The following SCN11A variants were observed in gnomAD, a reference collection of about 807,000 sequenced individuals.
The protein encoded by SCN11A is sodium channel protein type 11 subunit alpha.
A neutral mutation model predicts 162.2 loss-of-function variants in SCN11A; 122 were observed. That is an observed-to-expected ratio of 0.75 (90% confidence interval 0.65 to 0.87). The LOEUF is 0.87. SCN11A is among the 40% of genes least tolerant of loss of function. SCN11A has a pLI of 0.00. For synonymous variants in SCN11A, 758 were observed against 751.5 expected (o/e 1.01, Z -0.14); for missense variants, 2,015 against 2,181.6 (o/e 0.92, Z 1.52).
chr3:38,905,302 GT>G lies in SCN11A; in HGVS notation c.1492del (p.Thr498ProfsTer26). 6.2e-7 allele frequency: 1 copy of G among 1,613,968 alleles called. No homozygotes were observed. The highest frequency in any genetic ancestry group is 1.7e-4 in the Middle Eastern group (1 of 6,060). ...TGATAGATTCTGGGACAGTCGTTTG[GT>G]TTGCTCTAGGAGCTGTGGCTGTAAG... is the stretch of plus-strand genomic sequence containing the variant. ...CQKKPQLLEQTKRLSQNLSLD... is the reference protein window; with the variant it reads ...CQKKPQLLEQXKRLSQNLSLD... On this transcript the variant is annotated frameshift_variant, in exon 15 of 30. Transcript: ENST00000302328. LOFTEE classifies it high-confidence loss of function.
intron 2 of SCN11A, among the ~76,000 whole-genome samples, chr3:39,001,710 A>AAAAC (rs149361919): frequency 0.032 from 4,917 of 151,362 alleles, 121 homozygotes; most frequent in Middle Eastern, 0.079. Flanking sequence ...GCATTTGTTT[A>AAAAC]AAACAAACAA....
chr3:39,038,342 T>A (rs1270487684), intron 1 of SCN11A, among the ~76,000 whole-genome samples: 1 of 152,176 alleles, frequency 6.6e-6, no homozygotes, highest in East Asian at 1.9e-4. Context: ...TGAGTAACTA[T>A]CCTCATTTTC....
At chr3:38,867,769 T>C (rs921068304) in intron 26 of SCN11A, among the ~76,000 whole-genome samples, 22 of 152,106 alleles carry the variant, frequency 1.4e-4, no homozygotes, top group Non-Finnish European at 2.4e-4. Flanking sequence ...AAGTCATCCA[T>C]ATGGAATGTC....
chr3:38,897,220 C>T lies in SCN11A; in HGVS notation c.2028G>A (p.Arg676=), dbSNP rs1229608030. Residue 676 remains arginine, a synonymous_variant, in exon 18 of 30, where the codon AGG becomes AGA. Coordinates refer to ENST00000302328, the MANE Select transcript of SCN11A (RefSeq NM_001349253.2). ...WPFLRSFRVL[R]VFKLAKSWPT... is the part of the protein sequence containing the mutation. ...GCCAGGATTTGGCTAACTTGAAGAC[C>T]CTGAGCTGTAGAAAAAGACAACAAA... 6.3e-7 allele frequency: 1 copy of T among 1,587,766 alleles called. No individual in the cohort carries two copies.
chr3:39,027,700 C>T (rs1450259234), intron 2 of SCN11A, among the ~76,000 whole-genome samples: 2 of 152,168 alleles, frequency 1.3e-5, no homozygotes, highest in Non-Finnish European at 2.9e-5. Context: ...CAGATACTAC[C>T]AAGGTTGAAG....
Position 38,945,455 on chromosome 3 carries a change from T to C in SCN11A, c.444A>G (p.Thr148=). 6.2e-7 allele frequency: 1 copy of C among 1,603,716 alleles called. No homozygotes were observed. Among genetic ancestry groups the C allele is most frequent in the Non-Finnish European group, 8.5e-7 (1 of 1,172,872 alleles). ...TVIINCVFMA[T]GPAKNSNSNN... is the part of the protein sequence containing the mutation. ...TACTGTTGCTGTTTTTAGCAGGCCCTGTAGCCATGAACACGCAGTTGATGA... is the reference window on the plus strand; with the variant it reads ...TACTGTTGCTGTTTTTAGCAGGCCCCGTAGCCATGAACACGCAGTTGATGA... Residue 148 remains threonine, a synonymous_variant, in exon 7 of 30, where the codon ACA becomes ACG. Coordinates refer to ENST00000302328, the MANE Select transcript of SCN11A (RefSeq NM_001349253.2).
At chr3:38,854,144 T>C (rs2064829193) in intron 28 of SCN11A, among the ~76,000 whole-genome samples, 1 of 152,168 alleles carries the variant, frequency 6.6e-6, no homozygotes, top group African/African-American at 2.4e-5. Flanking sequence ...GATAATTATA[T>C]AAAATCCAAA....
chr3:39,019,326 C>G (rs1034633722), intron 2 of SCN11A, among the ~76,000 whole-genome samples: 1 of 152,150 alleles, frequency 6.6e-6, no homozygotes, highest in African/African-American at 2.4e-5. Context: ...AGAATCATTT[C>G]CCACACCCTT....
intron 3 of SCN11A, among the ~76,000 whole-genome samples, chr3:38,954,862 A>G (rs1005696219): frequency 6.6e-6 from 1 of 151,500 alleles, no homozygotes; most frequent in Non-Finnish European, 1.5e-5. Context: ...GGTGGCATGC[A>G]CCTGTAATCC....
chr3:38,909,951 G>C (rs1172345015), intron 12 of SCN11A, 115 bp downstream of exon 12: 2 of 979,002 alleles, frequency 2.0e-6, no homozygotes, highest in African/African-American at 3.3e-5. Context: ...GATGATAAAA[G>C]TGGGGGATGA....
Position 38,947,262 on chromosome 3 carries a change from C to T in SCN11A, c.268-355G>A, listed in dbSNP as rs186862930. ...TATTTTAAATTATTTTGATTATTAACGAAAACTTTGCAATGAATCTTAGAA... is the reference window on the plus strand; with the variant it reads ...TATTTTAAATTATTTTGATTATTAATGAAAACTTTGCAATGAATCTTAGAA... On this transcript the variant is annotated intron_variant, in intron 5 of 29. Coordinates refer to ENST00000302328, the MANE Select transcript of SCN11A (RefSeq NM_001349253.2). 4.8e-3 allele frequency among the ~76,000 whole-genome samples: 731 copies of T among 152,260 alleles called. 2 individuals are homozygous for T. Among genetic ancestry groups the T allele is most frequent in the Middle Eastern group, 6.8e-3 (2 of 294 alleles).
intron 2 of SCN11A, among the ~76,000 whole-genome samples, chr3:39,018,034 G>A (rs1017405890): frequency 3.9e-5 from 6 of 152,122 alleles, no homozygotes; most frequent in African/African-American, 1.4e-4. Flanking sequence ...TTTAAGATTT[G>A]TTAGGTAAAA....
chr3:38,869,329 G>A (rs978716150), intron 26 of SCN11A, among the ~76,000 whole-genome samples: 5 of 152,086 alleles, frequency 3.3e-5, no homozygotes, highest in South Asian at 2.1e-4. Flanking sequence ...TCATGTACTC[G>A]AAAAGACGAA....
Position 38,880,004 on chromosome 3 carries a change from T to C in SCN11A, c.3339A>G (p.Gly1113=), listed in dbSNP as rs1358294986. The C allele has an allele frequency of 1.1e-5, 18 of 1,612,868 alleles. No individual in the cohort carries two copies. Among genetic ancestry groups the C allele is most frequent in the Non-Finnish European group, 1.5e-5 (18 of 1,179,366 alleles). ...LEMVLKWVAF[G]FGKYFTSAWC... ...AGGCACTGGTGAAATACTTTCCAAA[T>C]CCGAAGGCTACCCATTTTAGTACCA... Residue 1113 remains glycine (G), a synonymous_variant, in exon 23 of 30, where the codon GGA becomes GGG. Coordinates refer to ENST00000302328, the MANE Select transcript of SCN11A (RefSeq NM_001349253.2).
chr3:38,972,397 G>A (rs1208302899), intron 2 of SCN11A, among the ~76,000 whole-genome samples: 2 of 152,134 alleles, frequency 1.3e-5, no homozygotes, highest in South Asian at 2.1e-4. Context: ...GGTAGCCCAA[G>A]GGAGAGAGAA....
At chr3:38,905,074 C>G in intron 15 of SCN11A, 118 bp downstream of exon 15, 1 of 1,287,724 alleles carries the variant, frequency 7.8e-7, no homozygotes, top group South Asian at 1.2e-5. Flanking sequence ...CAGGATGGTA[C>G]AGTGGGTTGG....
At chr3:38,939,098 A>T (rs1388624960) in intron 7 of SCN11A, among the ~76,000 whole-genome samples, 1 of 152,108 alleles carries the variant, frequency 6.6e-6, no homozygotes, top group Non-Finnish European at 1.5e-5. Context: ...TCCTGAATCC[A>T]GGAGGCGAAG....
chr3:38,847,507 T>C lies in SCN11A; in HGVS notation c.4563A>G (p.Lys1521=). The change falls in exon 30 of 30, where the codon AAA becomes AAG. Residue 1521 remains lysine, a synonymous_variant. Coordinates refer to ENST00000302328, the MANE Select transcript of SCN11A (RefSeq NM_001349253.2). ...CATCGATTCCAGACTCTGGATTCAC[T>C]TTGGAAAACCAGTTCATACCCAGAA... ...YAILGMNWFS[K]VNPESGIDDI... The C allele has an allele frequency of 2.5e-6, 4 of 1,614,202 alleles. No homozygotes were observed. Among genetic ancestry groups the C allele is most frequent in the Non-Finnish European group, 3.4e-6 (4 of 1,180,028 alleles).
intron 13 of SCN11A, among the ~76,000 whole-genome samples, chr3:38,908,629 A>C (rs541555308): frequency 6.6e-6 from 1 of 152,298 alleles, no homozygotes; most frequent in South Asian, 2.1e-4. Context: ...CACCTCAAGC[A>C]AAGGCGCCGA....
Sources: gnomAD v4.1 joint callset for allele counts (sites outside exome capture counted in the v4.1 genomes callset) on GRCh38, gnomAD v4.1.1 for gene constraint, MANE v1.5 for transcripts, NCBI Gene and HGNC (gene_info 2026-07-23, HGNC 2026-07-21) for gene names.